Variants in SHISA6 observed in about 807,000 individuals in gnomAD.
SHISA6 encodes shisa family member 6.
In SHISA6, 22 loss-of-function variants were observed where a neutral mutation model predicts 47.9. That is an observed-to-expected ratio of 0.46 (90% CI 0.33 to 0.66). The LOEUF (loss-of-function observed/expected upper bound fraction) is 0.66. SHISA6 is among the 30% of genes least tolerant of loss of function. The pLI is 0.02. For missense variants in SHISA6, 680 were observed against 764.6 expected (o/e 0.89, Z 1.30); for synonymous variants, 388 against 337.8 (o/e 1.15, Z -1.63).
At position 11,526,880 on chromosome 17, in the gene SHISA6, CATATATATATATATATATATAT is replaced by C. The variant is rs149856154; in HGVS notation, c.896-24981_896-24960del. 1.8e-3 allele frequency among the ~76,000 whole-genome samples: 199 copies of C among 111,892 alleles called. 2 individuals are homozygous for C. Among genetic ancestry groups the C allele is most frequent in the African/African-American group, 3.3e-3 (102 of 31,346 alleles). The allele number at this position is 111,892 out of a possible 152,430, so 73.4% of individuals were successfully genotyped here. Reference sequence around the variant, plus strand: ...CTTGATGCCTCAAGCTATCTATCATCATATATATATATATATATATATATATATATATATATATATATATATA... The same window carrying C: ...CTTGATGCCTCAAGCTATCTATCATCATATATATATATATATATATATATA... On this transcript the variant is annotated intron_variant, in intron 3 of 5. Transcript: ENST00000441885.
At chr17:11,489,543 C>T (rs1916425460) in intron 3 of SHISA6, among the ~76,000 whole-genome samples, 1 of 151,986 alleles carries the variant, frequency 6.6e-6, no homozygotes, top group Admixed American at 6.6e-5. Flanking sequence ...GGCAACTGCC[C>T]CATTTGCAGA....
intron 3 of SHISA6, among the ~76,000 whole-genome samples, chr17:11,479,045 A>G (rs567901765): frequency 3.3e-5 from 5 of 152,134 alleles, no homozygotes; most frequent in East Asian, 1.9e-4. Flanking sequence ...TACAGATTCA[A>G]TGCCATCCCC....
At chr17:11,399,044 T>G (rs1913676109) in intron 3 of SHISA6, among the ~76,000 whole-genome samples, 1 of 152,218 alleles carries the variant, frequency 6.6e-6, no homozygotes, top group African/African-American at 2.4e-5. Flanking sequence ...TTTCTTATTT[T>G]ATTAAAAGTA....
intron 3 of SHISA6, among the ~76,000 whole-genome samples, chr17:11,544,223 CTTAAAA>C (rs141834707): frequency 0.027 from 4,125 of 152,076 alleles, 92 homozygotes; most frequent in Non-Finnish European, 0.042. Context: ...ATAAATCAGA[CTTAAAA>C]TTAAAACATT....
intron 2 of SHISA6, among the ~76,000 whole-genome samples, chr17:11,355,129 G>C (rs1912038509): frequency 6.6e-6 from 1 of 152,194 alleles, no homozygotes; most frequent in African/African-American, 2.4e-5. Flanking sequence ...GAGGCCAACT[G>C]AGAGCACTTT....
intron 3 of SHISA6, among the ~76,000 whole-genome samples, chr17:11,415,920 A>G (rs1436482034): frequency 6.6e-6 from 1 of 152,242 alleles, no homozygotes; most frequent in African/African-American, 2.4e-5. Flanking sequence ...TTGGGAAGCT[A>G]AAAGCCCAGG....
At chr17:11,506,182 G>C (rs139337320) in intron 3 of SHISA6, among the ~76,000 whole-genome samples, 119 of 152,266 alleles carry the variant, frequency 7.8e-4, no homozygotes, top group Non-Finnish European at 1.5e-3. Flanking sequence ...GAGATGGTCA[G>C]AGCATTCTCT....
chr17:11,295,222 G>A lies in SHISA6; in HGVS notation c.799+31696G>A, dbSNP rs1482398448. 2.6e-5 allele frequency among the ~76,000 whole-genome samples: 4 copies of A among 152,210 alleles called. No individual in the cohort carries two copies. In the South Asian group the frequency reaches 6.2e-4, roughly 24 times the overall value. On this transcript the variant is annotated intron_variant, in intron 2 of 5. Transcript: ENST00000441885. The stretch of plus-strand genomic sequence containing the variant: ...AATTGAAACCGCAGAAAGCAAAACG[G>A]CAGATAATAGGGGACTACCATATCA...
At chr17:11,400,838 G>A (rs551572338) in intron 3 of SHISA6, among the ~76,000 whole-genome samples, 17 of 152,248 alleles carry the variant, frequency 1.1e-4, no homozygotes, top group African/African-American at 3.4e-4. Flanking sequence ...GTTTTTCACC[G>A]ACTTGACTTT....
chr17:11,421,981 T>C (rs1295860846), intron 3 of SHISA6, among the ~76,000 whole-genome samples: 1 of 152,170 alleles, frequency 6.6e-6, no homozygotes, highest in Non-Finnish European at 1.5e-5. Context: ...ATAGTCCATC[T>C]GAGGGGAGGA....
intron 2 of SHISA6, among the ~76,000 whole-genome samples, chr17:11,271,739 C>T (rs377631289): frequency 2.0e-5 from 3 of 151,632 alleles, no homozygotes; most frequent in African/African-American, 4.9e-5. Context: ...GGATTACAGG[C>T]GTGAGCCACC....
chr17:11,241,763 A>G lies in SHISA6; in HGVS notation c.341A>G (p.Glu114Gly). Reference protein sequence around the residue: ...YDKEFECNNSESGYLYCCGTC... With the variant: ...YDKEFECNNSGSGYLYCCGTC... ...AAGGAGTTCGAGTGTAACAACAGCGAGAGCGGCTACCTGTACTGCTGCGGT... is the reference window on the plus strand; with the variant it reads ...AAGGAGTTCGAGTGTAACAACAGCGGGAGCGGCTACCTGTACTGCTGCGGT... The change falls in exon 1 of 6, where the codon GAG (glutamate) becomes GGG (glycine). Residue 114 changes from glutamate (E) to glycine (G), a missense_variant. Physicochemically the swap from Glu to Gly is moderately conservative, Grantham distance 98. This residue lies in a region of SHISA6 where 559 missense variants were observed against 674.1 expected (regional missense o/e 0.83). Coordinates refer to ENST00000441885, the MANE Select transcript of SHISA6 (RefSeq NM_207386.4). The surrounding 1 kb of genome is among the most constrained non-coding windows in gnomAD (Gnocchi z 5.5). The G allele has an allele frequency of 6.5e-7, 1 of 1,548,468 alleles. No individual in the cohort carries two copies. Among genetic ancestry groups the G allele is most frequent in the Non-Finnish European group, 8.7e-7 (1 of 1,146,972 alleles).
At position 11,467,358 on chromosome 17, in the gene SHISA6, T is replaced by G. The variant is rs970959059; in HGVS notation, c.896-84538T>G. Among the ~76,000 whole-genome samples, 5 of 152,162 alleles carry G rather than the reference T, an allele frequency of 3.3e-5. No homozygotes were observed. The South Asian group carries it at 8.3e-4, about 25-fold the overall frequency. Reference sequence around the variant, plus strand: ...CCAACACCACCCTCAAGTTGTAGATTTAAAGATCACCTCTAATTTCTGTTA... The same window carrying G: ...CCAACACCACCCTCAAGTTGTAGATGTAAAGATCACCTCTAATTTCTGTTA... On this transcript the variant is annotated intron_variant, in intron 3 of 5. Coordinates refer to ENST00000441885, the MANE Select transcript of SHISA6 (RefSeq NM_207386.4).
At chr17:11,477,574 C>T (rs11869871) in intron 3 of SHISA6, among the ~76,000 whole-genome samples, 244 of 119,432 alleles carry the variant, frequency 2.0e-3, no homozygotes, top group African/African-American at 7.4e-3. Flanking sequence ...CCCCCCTCCC[C>T]CCACCCCACA....
rs1555524932 is a variant in SHISA6 at position 11,273,915 on chromosome 17, C to CATTAAT, written c.799+10389_799+10390insATTAAT. ...GTGCCAGGCTTGTCCTGCGAGGAAG[C>CATTAAT]GCATCATTTTATGCCATTCAGGAAG... On this transcript the variant is annotated intron_variant, in intron 2 of 5. Transcript: ENST00000441885. 1.2e-3 allele frequency among the ~76,000 whole-genome samples: 13 copies of CATTAAT among 10,740 alleles called. 1 individual carries two copies. The highest frequency in any genetic ancestry group is 0.062 in the South Asian group (2 of 32). 7.0% of individuals were successfully genotyped at this position (10,740 alleles called of 152,430 possible). A position where few individuals can be genotyped will look rare whatever the true frequency, so the allele number is the denominator to read the frequency against.
intron 2 of SHISA6, among the ~76,000 whole-genome samples, chr17:11,308,832 C>T (rs1034191047): frequency 3.9e-5 from 6 of 152,188 alleles, no homozygotes; most frequent in African/African-American, 2.4e-5. Flanking sequence ...AACAGGCAAC[C>T]TTTCAGAGTC....
intron 2 of SHISA6, among the ~76,000 whole-genome samples, chr17:11,270,248 A>T (rs1484172363): frequency 1.3e-5 from 2 of 152,254 alleles, no homozygotes; most frequent in African/African-American, 4.8e-5. Context: ...TGCTGGGATT[A>T]CAGGCGTGAG....
intron 2 of SHISA6, among the ~76,000 whole-genome samples, chr17:11,330,438 A>G (rs536623622): frequency 1.8e-4 from 27 of 152,108 alleles, no homozygotes; most frequent in Non-Finnish European, 2.6e-4. Context: ...CTAGTCAGCA[A>G]TAAGGTTGGC....
In SHISA6 at chr17:11,550,299, T is replaced by C. The variant is rs940693300; in HGVS notation, c.896-1597T>C. Among the ~76,000 whole-genome samples the C allele has an allele frequency of 3.3e-4, 50 of 152,042 alleles. 2 individuals carry two copies. On this transcript the variant is annotated intron_variant, in intron 3 of 5. Transcript: ENST00000441885. ...CTCAAACTCTTGACATGGTGATCCA[T>C]CTGCCTTGGCCTCTCAAAGTGCTGG...
Sources: gnomAD v4.1 joint callset for allele counts (sites outside exome capture counted in the v4.1 genomes callset) on GRCh38, gnomAD v4.1.1 for gene constraint, gnomAD v4.1.1 regional missense constraint, Gnocchi (gnomAD v3.1) non-coding constraint, MANE v1.5 for transcripts, NCBI Gene and HGNC (gene_info 2026-07-23, HGNC 2026-07-21) for gene names.